Variants in SV2C observed in about 807,000 individuals in gnomAD.
The protein encoded by SV2C is synaptic vesicle glycoprotein 2C, also known as solute carrier family 22 member B3.
In SV2C, 49 loss-of-function variants were observed where a neutral mutation model predicts 79.7. The ratio of observed to expected loss-of-function variants is 0.61; its 90% CI spans 0.49 to 0.78. The LOEUF is 0.78. SV2C is among the 30% of genes least tolerant of loss of function. The pLI is 0.00. For missense variants in SV2C, 833 were observed against 912.9 expected (o/e 0.91, Z 1.13); for synonymous variants, 334 against 333.2 (o/e 1.00, Z -0.03).
intron 4 of SV2C, among the ~76,000 whole-genome samples, chr5:76,212,351 G>T (rs1026605603): frequency 7.2e-5 from 11 of 152,154 alleles, no homozygotes; most frequent in African/African-American, 2.7e-4. Flanking sequence ...GGCTGCTCCA[G>T]GTAGGTAGCC....
At chr5:76,202,515 T>G (rs759481696) in intron 3 of SV2C, among the ~76,000 whole-genome samples, 18 of 152,328 alleles carry the variant, frequency 1.2e-4, no homozygotes, top group Non-Finnish European at 2.5e-4. Flanking sequence ...GAAATGTCTC[T>G]GATTTCATAT....
At chr5:75,946,646 T>C in the SV2C span, among the ~76,000 whole-genome samples, 2 of 152,268 alleles carry the variant, frequency 1.3e-5, no homozygotes, top group African/African-American at 4.8e-5. Flanking sequence ...CTCAAATGTA[T>C]TAACCTAAGC....
intron 2 of SV2C, among the ~76,000 whole-genome samples, chr5:76,168,403 C>T (rs996415357): frequency 1.3e-5 from 2 of 152,078 alleles, no homozygotes; most frequent in African/African-American, 4.8e-5. Context: ...CTGGACCCCT[C>T]CTTACCTTGG....
intron 4 of SV2C, among the ~76,000 whole-genome samples, chr5:76,260,612 T>C (rs1746433090): frequency 6.6e-6 from 1 of 152,208 alleles, no homozygotes. Context: ...CTTGAGTTAA[T>C]TTTTGTATAA....
the SV2C span, among the ~76,000 whole-genome samples, chr5:75,861,353 A>G: frequency 6.6e-6 from 1 of 152,226 alleles, no homozygotes; most frequent in Admixed American, 6.5e-5. Context: ...GAGAAAAGGA[A>G]ATGCTGATAC....
intron 2 of SV2C, among the ~76,000 whole-genome samples, chr5:76,150,568 CTCACACAGAAAGCACACCAGCAG>C (rs1362098997): frequency 1.3e-5 from 2 of 149,226 alleles, no homozygotes; most frequent in Non-Finnish European, 3.0e-5. Flanking sequence ...TTTAGCAGTT[CTCACACAGAAAGCACACCAGCAG>C]TGGCCCAACT....
At chr5:76,297,928 A>G (rs909342727) in intron 9 of SV2C, among the ~76,000 whole-genome samples, 8 of 152,124 alleles carry the variant, frequency 5.3e-5, no homozygotes, top group African/African-American at 1.9e-4. Flanking sequence ...GTGTACATTC[A>G]TAGTCTCTTA....
At chr5:76,131,359 T>G (rs1298776492) in intron 1 of SV2C, among the ~76,000 whole-genome samples, 2 of 152,184 alleles carry the variant, frequency 1.3e-5, no homozygotes, top group African/African-American at 2.4e-5. Flanking sequence ...ATGCTCTGTT[T>G]TATTCTCAGG....
At chr5:76,219,925 G>A in intron 4 of SV2C, among the ~76,000 whole-genome samples, 1 of 152,172 alleles carries the variant, frequency 6.6e-6, no homozygotes, top group East Asian at 1.9e-4. Flanking sequence ...CTGTGTCCCA[G>A]GCATTGTACC....
exon 13 of SV2C, chr5:76,353,548 G>A (rs941275622): frequency 6.6e-6 from 1 of 152,304 alleles, no homozygotes; most frequent in Non-Finnish European, 1.5e-5. Context: ...AGAGAGAAAA[G>A]CATTACAAAC....
At chr5:75,888,666 A>G in the SV2C span, among the ~76,000 whole-genome samples, 1 of 152,040 alleles carries the variant, frequency 6.6e-6, no homozygotes, top group Non-Finnish European at 1.5e-5. Context: ...ATGTAAGCCA[A>G]CTACTACCTG....
the SV2C span, among the ~76,000 whole-genome samples, chr5:76,064,123 G>A: frequency 1.3e-5 from 2 of 152,294 alleles, no homozygotes; most frequent in African/African-American, 2.4e-5. Context: ...GATATTTTGG[G>A]TATTTCATAA....
intron 4 of SV2C, among the ~76,000 whole-genome samples, chr5:76,238,043 CACACACACACACACACACACACAT>C (rs1213564783): frequency 1.9e-5 from 2 of 103,482 alleles, no homozygotes; most frequent in Non-Finnish European, 3.5e-5. Flanking sequence ...CACACACACA[CACACACACACACACACACACACAT>C]ATATATACCT....
At chr5:76,183,176 A>G (rs1028026869) in intron 2 of SV2C, among the ~76,000 whole-genome samples, 1 of 151,364 alleles carries the variant, frequency 6.6e-6, no homozygotes, top group African/African-American at 2.4e-5. Flanking sequence ...GGTGCCTGCC[A>G]CCACACCTGG....
At chr5:76,147,068 G>A (rs1286335538) in intron 2 of SV2C, among the ~76,000 whole-genome samples, 1 of 152,060 alleles carries the variant, frequency 6.6e-6, no homozygotes, top group Non-Finnish European at 1.5e-5. Context: ...AGAGGGGAAT[G>A]GGAAGGTACA....
chr5:76,038,555 T>A, the SV2C span, among the ~76,000 whole-genome samples: 1 of 152,220 alleles, frequency 6.6e-6, no homozygotes, highest in Non-Finnish European at 1.5e-5. Context: ...TAAATGTTAA[T>A]AAGGCAGATA....
chr5:75,986,896 A>G, the SV2C span, among the ~76,000 whole-genome samples: 1 of 152,024 alleles, frequency 6.6e-6, no homozygotes, highest in Non-Finnish European at 1.5e-5. Context: ...TTTGCTGTCC[A>G]GAGTATCCCA....
chr5:75,994,966 T>C, the SV2C span, among the ~76,000 whole-genome samples: 1 of 152,124 alleles, frequency 6.6e-6, no homozygotes, highest in South Asian at 2.1e-4. Flanking sequence ...ACTAGGAGAC[T>C]AGTGGAGTAA....
the SV2C span, among the ~76,000 whole-genome samples, chr5:75,969,843 T>A: frequency 7.2e-5 from 11 of 152,082 alleles, no homozygotes; most frequent in East Asian, 1.2e-3. Context: ...TCTATAGAAC[T>A]CTCCACCCCA....
Sources: allele counts gnomAD v4.1 joint callset (sites outside exome capture counted in the v4.1 genomes callset), GRCh38; gene constraint gnomAD v4.1.1; transcripts MANE v1.5; gene names NCBI Gene and HGNC (gene_info 2026-07-23, HGNC 2026-07-21).